Variants in FER1L6 observed in about 807,000 individuals in gnomAD.
The protein encoded by FER1L6 is fer-1 like family member 6.
Under a neutral mutation model 219.2 loss-of-function variants are expected in FER1L6, and 177 were observed. That is an observed-to-expected ratio of 0.81 (90% CI 0.71 to 0.91). The LOEUF is 0.91. FER1L6 is among the 40% of genes least tolerant of loss of function. FER1L6 has a pLI of 0.00. For missense variants in FER1L6, 2,153 were observed against 2,259.9 expected (o/e 0.95, Z 0.96); for synonymous variants, 768 against 824.3 (o/e 0.93, Z 1.17).
chr8:123,939,467 G>C lies in FER1L6; in HGVS notation c.-7-16525G>C, dbSNP rs182716373. On this transcript the variant is annotated intron_variant, in intron 1 of 40. Coordinates refer to ENST00000522917, the MANE Select transcript of FER1L6 (RefSeq NM_001039112.2). ...TTACTGAAGTGCTGGAGATTTATTC[G>C]GGGAGCATAAAGGGGAAGGAGCAGG... Among the ~76,000 whole-genome samples, 260 of 152,248 alleles carry C rather than the reference G, an allele frequency of 1.7e-3. 2 individuals carry two copies. Among genetic ancestry groups the C allele is most frequent in the African/African-American group, 5.5e-3 (228 of 41,544 alleles).
At chr8:123,918,765 T>C (rs562229357) in intron 1 of FER1L6, among the ~76,000 whole-genome samples, 1 of 152,300 alleles carries the variant, frequency 6.6e-6, no homozygotes, top group South Asian at 2.1e-4. Context: ...CTGACCTTGC[T>C]TTGGCGTTCT....
At chr8:124,027,845 AGCCATTGTGCCTG>A (rs1459640992) in intron 18 of FER1L6, among the ~76,000 whole-genome samples, 1 of 152,186 alleles carries the variant, frequency 6.6e-6, no homozygotes, top group African/African-American at 2.4e-5. Context: ...TACAGACGAG[AGCCATTGTGCCTG>A]GCCTAAAATG....
intron 22 of FER1L6, among the ~76,000 whole-genome samples, chr8:124,059,481 C>T (rs946052728): frequency 6.6e-6 from 1 of 152,096 alleles, no homozygotes; most frequent in Non-Finnish European, 1.5e-5. Context: ...ATGTATGTGT[C>T]GAACCAGGTT....
chr8:124,023,459 C>G lies in FER1L6; in HGVS notation c.2149C>G (p.Pro717Ala). 1 of 1,614,086 alleles carries G rather than the reference C, an allele frequency of 6.2e-7. No homozygotes were observed. ...FLVDEPQHTI[P>A]DVFIWMLSNN... Reference sequence around the variant, plus strand: ...ATTCCCACAGCCCCAGCACACTATCCCTGACGTTTTCATCTGGATGCTCAG... The same window carrying G: ...ATTCCCACAGCCCCAGCACACTATCGCTGACGTTTTCATCTGGATGCTCAG... Residue 717 changes from proline (P) to alanine (A), a missense_variant, in exon 18 of 41, where the codon CCT (proline) becomes GCT (alanine). Transcript: ENST00000522917.
chr8:124,110,156 T>G, intron 39 of FER1L6, among the ~76,000 whole-genome samples: 1 of 152,244 alleles, frequency 6.6e-6, no homozygotes, highest in East Asian at 1.9e-4. Context: ...ACCTAAGTGA[T>G]GGTAGCTCTA....
intron 10 of FER1L6, 78 bp from the exon 11 acceptor site, chr8:123,980,387 C>G: frequency 8.5e-7 from 1 of 1,172,340 alleles, no homozygotes. Context: ...CTTGGATATT[C>G]TACATTTTGA....
Position 123,969,867 on chromosome 8 carries a change from CAAAAAAAAA to C in FER1L6, c.385-157_385-149del, listed in dbSNP as rs369712009. On this transcript the variant is annotated intron_variant, in intron 5 of 40. Coordinates refer to ENST00000522917, the MANE Select transcript of FER1L6 (RefSeq NM_001039112.2). ...AGCCGACAGAACAAAACCCTGTCTC[CAAAAAAAAA>C]AAAAAAAAAAGAGAATTGACAATTG... 4.3e-3 allele frequency among the ~76,000 whole-genome samples: 310 copies of C among 71,998 alleles called. 2 individuals are homozygous for C. Among genetic ancestry groups the C allele is most frequent in the African/African-American group, 0.017 (297 of 17,620 alleles). The allele number at this position is 71,998 out of a possible 152,430, so 47.2% of individuals were successfully genotyped here.
intron 1 of FER1L6, among the ~76,000 whole-genome samples, chr8:123,866,125 T>C (rs1330943966): frequency 6.6e-6 from 1 of 152,034 alleles, no homozygotes; most frequent in Non-Finnish European, 1.5e-5. Context: ...AGCAGCATGA[T>C]TTATGCTCTG....
intron 1 of FER1L6, among the ~76,000 whole-genome samples, chr8:123,918,548 T>C (rs1813260052): frequency 6.6e-6 from 1 of 152,108 alleles, no homozygotes; most frequent in Non-Finnish European, 1.5e-5. Flanking sequence ...TTTGTATTTG[T>C]GTCAGGGGCT....
At chr8:123,870,796 T>C (rs1816910532) in intron 1 of FER1L6, among the ~76,000 whole-genome samples, 2 of 152,180 alleles carry the variant, frequency 1.3e-5, no homozygotes, top group African/African-American at 4.8e-5. Context: ...CCTTGATATA[T>C]ACAAATTTAA....
intron 5 of FER1L6, among the ~76,000 whole-genome samples, chr8:123,967,787 C>T (rs766984924): frequency 6.6e-6 from 1 of 152,140 alleles, no homozygotes; most frequent in East Asian, 1.9e-4. Flanking sequence ...GAAACCCCAT[C>T]TCTACTAAAA....
intron 1 of FER1L6, among the ~76,000 whole-genome samples, chr8:123,883,948 A>T (rs1052667440): frequency 6.6e-6 from 1 of 152,202 alleles, no homozygotes; most frequent in African/African-American, 2.4e-5. Flanking sequence ...TTAAGTTTCA[A>T]CTTGTGAATT....
intron 20 of FER1L6, chr8:124,040,306 T>A (rs559668766): frequency 1.0e-5 from 4 of 391,702 alleles, no homozygotes; most frequent in Non-Finnish European, 1.9e-5. Flanking sequence ...CCAAGTGCAG[T>A]GGGGAAGGAG....
chr8:124,098,816 T>A lies in FER1L6; in HGVS notation c.4883+933T>A, dbSNP rs75043183. Among the ~76,000 whole-genome samples the A allele has an allele frequency of 1.9e-3, 290 of 152,312 alleles. 3 individuals carry two copies. Among genetic ancestry groups the A allele is most frequent in the East Asian group, 0.017 (88 of 5,182 alleles). On this transcript the variant is annotated intron_variant, in intron 37 of 40. Transcript: ENST00000522917. ...TGGAAAATGTGATGAAGGCGATGTT[T>A]GTTCACTCTCTGTCTCCTTCCCTCC...
chr8:124,117,498 A>C (rs1485019969), intron 39 of FER1L6, among the ~76,000 whole-genome samples: 1 of 152,200 alleles, frequency 6.6e-6, no homozygotes, highest in Non-Finnish European at 1.5e-5. Flanking sequence ...ATGGGAATGA[A>C]AGACTACATA....
chr8:124,027,190 C>G (rs1818745630), intron 18 of FER1L6, among the ~76,000 whole-genome samples: 1 of 152,160 alleles, frequency 6.6e-6, no homozygotes, highest in Non-Finnish European at 1.5e-5. Flanking sequence ...CAAATAAGGT[C>G]ATATTTTGGG....
intron 1 of FER1L6, among the ~76,000 whole-genome samples, chr8:123,860,077 C>T (rs1816719719): frequency 7.2e-6 from 1 of 138,156 alleles, no homozygotes; most frequent in East Asian, 2.1e-4. Flanking sequence ...TGCACTGCAC[C>T]CACTAACTCG....
chr8:123,919,526 A>G (rs1189515235), intron 1 of FER1L6, among the ~76,000 whole-genome samples: 2 of 152,202 alleles, frequency 1.3e-5, no homozygotes, highest in African/African-American at 4.8e-5. Flanking sequence ...CAGCACTGCA[A>G]TGGCTGGAGG....
chr8:123,962,675 G>A (rs1815343419), intron 2 of FER1L6, among the ~76,000 whole-genome samples: 1 of 152,162 alleles, frequency 6.6e-6, no homozygotes, highest in African/African-American at 2.4e-5. Flanking sequence ...GCCCAGGCTA[G>A]AGTGAAGTGG....
Sources: allele counts gnomAD v4.1 joint callset (sites outside exome capture counted in the v4.1 genomes callset), GRCh38; gene constraint gnomAD v4.1.1; transcripts MANE v1.5; gene names NCBI Gene and HGNC (gene_info 2026-07-23, HGNC 2026-07-21).